The following ADAMTSL1 variants were observed in gnomAD, a reference collection of about 807,000 sequenced individuals.
ADAMTSL1 encodes ADAMTS-like protein 1.
In ADAMTSL1, 126 loss-of-function variants were observed where a neutral mutation model predicts 201.8. That is an observed-to-expected ratio of 0.62 (90% CI 0.54 to 0.72). The LOEUF is 0.72. Among genes scored for constraint, ADAMTSL1 ranks in the 30% least tolerant of loss-of-function variants. The pLI is 0.00. For missense variants in ADAMTSL1, 2,679 were observed against 2,277.8 expected, an observed-to-expected ratio of 1.18 and a Z score of -3.59; for synonymous variants, 1,121 against 903.4, an observed-to-expected ratio of 1.24 and a Z score of -4.32.
At chr9:17,954,793 T>G (rs1721848426) in intron 1 of ADAMTSL1, among the ~76,000 whole-genome samples, 1 of 152,198 alleles carries the variant, frequency 6.6e-6, no homozygotes, top group African/African-American at 2.4e-5. Flanking sequence ...CAGTTAGGTC[T>G]GTTTAGAGTT....
chr9:18,359,815 A>ACCCCCCC (rs1563911410), intron 2 of ADAMTSL1, among the ~76,000 whole-genome samples: 1 of 46,844 alleles, frequency 2.1e-5, no homozygotes, highest in African/African-American at 8.5e-5. Flanking sequence ...TTAATGCCCC[A>ACCCCCCC]CCTCCCCACC....
chr9:18,210,575 GA>G (rs1329251135), intron 2 of ADAMTSL1, among the ~76,000 whole-genome samples: 2 of 149,290 alleles, frequency 1.3e-5, no homozygotes, highest in South Asian at 2.1e-4. Flanking sequence ...GTTAGTAGAT[GA>G]AAAAAATTAT....
chr9:18,626,103 T>C lies in ADAMTSL1; in HGVS notation c.601+3734T>C, dbSNP rs1273524137. ...AATTTCCACCTGCCCCTGGCTGCTT[T>C]GGGCTATCCTCACAAGCCACTCAAG... On this transcript the variant is annotated intron_variant, in intron 5 of 28. Transcript: ENST00000380548. Among the ~76,000 whole-genome samples, 10 of 152,312 alleles carry C rather than the reference T, an allele frequency of 6.6e-5. No homozygotes were observed. The East Asian group carries it at 1.7e-3, about 26-fold the overall frequency.
chr9:18,183,112 C>T (rs1202315469), intron 2 of ADAMTSL1, among the ~76,000 whole-genome samples: 1 of 152,134 alleles, frequency 6.6e-6, no homozygotes, highest in Non-Finnish European at 1.5e-5. Flanking sequence ...GATAAAGGAG[C>T]AAACGCAACA....
intron 1 of ADAMTSL1, among the ~76,000 whole-genome samples, chr9:17,948,385 C>T (rs1422233536): frequency 6.6e-6 from 1 of 152,220 alleles, no homozygotes; most frequent in Non-Finnish European, 1.5e-5. Flanking sequence ...TTAGCAGCTT[C>T]ATGCCTTTCA....
chr9:18,798,575 C>G (rs1439992261), intron 20 of ADAMTSL1, among the ~76,000 whole-genome samples: 1 of 152,150 alleles, frequency 6.6e-6, no homozygotes, highest in Non-Finnish European at 1.5e-5. Context: ...GCTCACAAAC[C>G]CTTTGTAGAG....
intron 1 of ADAMTSL1, among the ~76,000 whole-genome samples, chr9:17,921,414 T>G (rs917042290): frequency 1.3e-5 from 2 of 152,192 alleles, no homozygotes; most frequent in African/African-American, 4.8e-5. Flanking sequence ...AAAATTTATT[T>G]TCATCTTTCG....
At chr9:18,269,743 T>C (rs989102529) in intron 2 of ADAMTSL1, among the ~76,000 whole-genome samples, 2 of 152,136 alleles carry the variant, frequency 1.3e-5, no homozygotes, top group African/African-American at 4.8e-5. Flanking sequence ...TTGGGTGATA[T>C]TCAAAGCCAA....
At chr9:18,049,727 C>T (rs1821842855) in intron 1 of ADAMTSL1, among the ~76,000 whole-genome samples, 1 of 152,060 alleles carries the variant, frequency 6.6e-6, no homozygotes, top group African/African-American at 2.4e-5. Flanking sequence ...GGGTTCACGC[C>T]ATTCTCCCGC....
intron 1 of ADAMTSL1, among the ~76,000 whole-genome samples, chr9:17,928,522 T>C (rs1826646561): frequency 6.6e-6 from 1 of 152,218 alleles, no homozygotes; most frequent in Non-Finnish European, 1.5e-5. Flanking sequence ...TAGTCTTGTA[T>C]GTAACCTGCA....
rs200603951 is a variant in ADAMTSL1 at position 18,079,682 on chromosome 9, A to AAAATAAAT, written c.88-84140_88-84133dup. Among the ~76,000 whole-genome samples, 690 of 141,740 alleles carry AAAATAAAT rather than the reference A, an allele frequency of 4.9e-3. 4 individuals carry two copies. Among genetic ancestry groups the AAAATAAAT allele is most frequent in the East Asian group, 0.016 (78 of 4,954 alleles). The allele number at this position is 141,740 out of a possible 152,430, so 93.0% of individuals were successfully genotyped here. ...GGGAGACAGAGCGAGACTCTGTCTC[A>AAAATAAAT]AAATAAATAAATAAATAAATAAATA... On this transcript the variant is annotated intron_variant, in intron 1 of 29. Transcript: ENST00000680146.
intron 13 of ADAMTSL1, among the ~76,000 whole-genome samples, chr9:18,685,936 T>G (rs1026765661): frequency 2.0e-5 from 3 of 151,276 alleles, no homozygotes; most frequent in Non-Finnish European, 4.4e-5. Context: ...TTTTTTTTTT[T>G]GAGATAGGGT....
At chr9:18,445,533 G>A (rs1272451858) in intron 2 of ADAMTSL1, among the ~76,000 whole-genome samples, 16 of 151,902 alleles carry the variant, frequency 1.1e-4, no homozygotes, top group Admixed American at 1.0e-3. Context: ...ATTATTCTGT[G>A]GTTTCAAAAT....
At chr9:18,656,256 G>T (rs939727491) in intron 7 of ADAMTSL1, among the ~76,000 whole-genome samples, 3 of 151,490 alleles carry the variant, frequency 2.0e-5, no homozygotes, top group African/African-American at 7.3e-5. Flanking sequence ...GTTAAATTAA[G>T]TAGCACAGAA....
At chr9:18,315,832 G>T (rs1416215735) in intron 2 of ADAMTSL1, among the ~76,000 whole-genome samples, 1 of 152,212 alleles carries the variant, frequency 6.6e-6, no homozygotes, top group Non-Finnish European at 1.5e-5. Flanking sequence ...GGACACCAAG[G>T]CCAAGGAGGC....
intron 1 of ADAMTSL1, among the ~76,000 whole-genome samples, chr9:18,030,385 C>T (rs750359945): frequency 4.0e-5 from 6 of 151,356 alleles, no homozygotes; most frequent in Admixed American, 1.3e-4. Flanking sequence ...CATCACACAC[C>T]GGGGACTGTT....
chr9:17,972,935 T>A (rs1376877697), intron 1 of ADAMTSL1, among the ~76,000 whole-genome samples: 3 of 150,280 alleles, frequency 2.0e-5, no homozygotes, highest in African/African-American at 7.4e-5. Flanking sequence ...CATTTTTTCA[T>A]GTGTTTTTTG....
intron 13 of ADAMTSL1, among the ~76,000 whole-genome samples, chr9:18,705,878 A>G (rs1259249221): frequency 6.6e-6 from 1 of 152,230 alleles, no homozygotes; most frequent in African/African-American, 2.4e-5. Flanking sequence ...ATAGCCAGCA[A>G]CTTGCAGGAG....
At chr9:17,947,661 A>G (rs77135694) in intron 1 of ADAMTSL1, among the ~76,000 whole-genome samples, 1,880 of 152,204 alleles carry the variant, frequency 0.012, 42 homozygotes, top group African/African-American at 0.043. Context: ...GAGCAAGCAA[A>G]TGATTATTGG....
Sources: allele counts gnomAD v4.1 joint callset (sites outside exome capture counted in the v4.1 genomes callset), GRCh38; gene constraint gnomAD v4.1.1; transcripts MANE v1.5; gene names NCBI Gene and HGNC (gene_info 2026-07-23, HGNC 2026-07-21).